The following RBFOX1 variants were observed in gnomAD, a reference collection of about 807,000 sequenced individuals.
RBFOX1 encodes the protein RNA binding protein fox-1 homolog 1.
A neutral mutation model predicts 57.7 loss-of-function variants in RBFOX1; 8 were observed. The observed-to-expected ratio is 0.14, with a 90% CI of 0.08 to 0.25. RBFOX1 has a LOEUF of 0.25. Ranked by LOEUF, RBFOX1 falls within the 10% of genes least tolerant of loss-of-function variation. The pLI is 1.00. For synonymous variants in RBFOX1, 326 were observed against 222.4 expected (o/e 1.47, Z -4.15); for missense variants, 611 against 548.5 (o/e 1.11, Z -1.14).
At chr16:7,620,583 G>A (rs1199078265) in intron 10 of RBFOX1, among the ~76,000 whole-genome samples, 1 of 152,184 alleles carries the variant, frequency 6.6e-6, no homozygotes, top group South Asian at 2.1e-4. Flanking sequence ...AACATGATCA[G>A]GAGGTTCTAG....
intron 4 of RBFOX1, among the ~76,000 whole-genome samples, chr16:5,889,788 A>C (rs1344621085): frequency 1.3e-5 from 2 of 152,202 alleles, no homozygotes; most frequent in Admixed American, 6.5e-5. Context: ...AAGGCCTGAG[A>C]GAGATGTAGG....
chr16:7,562,314 G>A (rs2152688247), intron 5 of RBFOX1, among the ~76,000 whole-genome samples: 1 of 152,262 alleles, frequency 6.6e-6, no homozygotes, highest in East Asian at 1.9e-4. Context: ...ATGCATTAGG[G>A]TACCTGCCGC....
At chr16:6,842,806 T>A (rs1164397324) in intron 3 of RBFOX1, among the ~76,000 whole-genome samples, 1 of 152,112 alleles carries the variant, frequency 6.6e-6, no homozygotes, top group East Asian at 1.9e-4. Context: ...TTTGTCCTAA[T>A]GCTCTCCCTC....
At position 6,416,310 on chromosome 16, in the gene RBFOX1, C is replaced by T. The variant is rs78402327; in HGVS notation, c.-64+99253C>T. Among the ~76,000 whole-genome samples the T allele has an allele frequency of 2.3e-3, 350 of 152,192 alleles. 1 individual carries two copies. In the East Asian group the frequency reaches 0.026, roughly 11 times the overall value. Reference sequence around the variant, plus strand: ...ATTTTATTAAGCCGGTAAAATCACCCGACAGTTTAGATAGCTCAAGCCTCT... The same window carrying T: ...ATTTTATTAAGCCGGTAAAATCACCTGACAGTTTAGATAGCTCAAGCCTCT... On this transcript the variant is annotated intron_variant, in intron 2 of 15. Coordinates refer to ENST00000550418, the MANE Select transcript of RBFOX1 (RefSeq NM_018723.4).
At chr16:7,307,410 C>G (rs142257375) in intron 4 of RBFOX1, among the ~76,000 whole-genome samples, 8 of 152,312 alleles carry the variant, frequency 5.3e-5, no homozygotes, top group Admixed American at 1.3e-4. Flanking sequence ...TCGGAGTCTA[C>G]TCTGAATGGC....
intron 3 of RBFOX1, among the ~76,000 whole-genome samples, chr16:5,758,133 T>C (rs1345388071): frequency 6.6e-6 from 1 of 152,196 alleles, no homozygotes; most frequent in Admixed American, 6.5e-5. Context: ...AAATGTTAAA[T>C]TGAGCCAGGA....
chr16:6,364,397 C>CATTT (rs1285506730), intron 2 of RBFOX1, among the ~76,000 whole-genome samples: 1 of 152,146 alleles, frequency 6.6e-6, no homozygotes, highest in Non-Finnish European at 1.5e-5. Flanking sequence ...ACATTAAAGA[C>CATTT]ATTTGGTGCA....
At chr16:6,888,541 GT>G (rs1478506784) in intron 3 of RBFOX1, among the ~76,000 whole-genome samples, 1 of 151,992 alleles carries the variant, frequency 6.6e-6, no homozygotes, top group Non-Finnish European at 1.5e-5. Context: ...TCTCCACATT[GT>G]TTTTACTTGC....
intron 4 of RBFOX1, among the ~76,000 whole-genome samples, chr16:7,056,721 T>G (rs1222690320): frequency 2.6e-5 from 4 of 152,104 alleles, no homozygotes; most frequent in South Asian, 2.1e-4. Context: ...TCTTTGTGCT[T>G]GAGTGGTAGA....
At chr16:6,025,751 G>T (rs1333366274) in intron 1 of RBFOX1, among the ~76,000 whole-genome samples, 1 of 152,198 alleles carries the variant, frequency 6.6e-6, no homozygotes, top group African/African-American at 2.4e-5. Context: ...TGCAGCCGAC[G>T]TTGTCCATCT....
Position 6,622,325 on chromosome 16 carries a change from TTA to T in RBFOX1, c.-63-32276_-63-32275del, listed in dbSNP as rs558705150. On this transcript the variant is annotated intron_variant, in intron 2 of 15. Coordinates refer to ENST00000550418, the MANE Select transcript of RBFOX1 (RefSeq NM_018723.4). ...TTGCCCTATACAGATGTATAATTTTTTATCTTTTATATTTTTATCGTACCTTT... is the reference window on the plus strand; with the variant it reads ...TTGCCCTATACAGATGTATAATTTTTTCTTTTATATTTTTATCGTACCTTT... 1.3e-3 allele frequency among the ~76,000 whole-genome samples: 196 copies of T among 152,322 alleles called. 1 individual carries two copies. Among genetic ancestry groups the T allele is most frequent in the African/African-American group, 4.4e-3 (184 of 41,576 alleles).
Position 7,109,415 on chromosome 16 carries a change from C to T in RBFOX1, c.27+57317C>T, listed in dbSNP as rs11866955. On this transcript the variant is annotated intron_variant, in intron 4 of 15. Coordinates refer to ENST00000550418, the MANE Select transcript of RBFOX1 (RefSeq NM_018723.4). ...TTGAGTTACCAACTGCCTCTCAGAA[C>T]CCTAAGGCAATTTGGAGCCCAGAAG... Among the ~76,000 whole-genome samples the T allele has an allele frequency of 7.5e-3, 1,134 of 152,184 alleles. 18 individuals are homozygous for T. Among genetic ancestry groups the T allele is most frequent in the African/African-American group, 0.025 (1,036 of 41,526 alleles).
chr16:6,375,288 GAA>G (rs144552765), intron 2 of RBFOX1, among the ~76,000 whole-genome samples: 1 of 148,728 alleles, frequency 6.7e-6, no homozygotes, highest in African/African-American at 2.6e-5. Flanking sequence ...CCAGAGTGGG[GAA>G]AAAAAACAAA....
rs115042479 is a variant in RBFOX1 at position 6,901,397 on chromosome 16, C to G, written c.-15-150660C>G. ...GCAAAATCAAAGTGAACAGGACGTT[C>G]CTACTACCTTTGGGGAAGACAATAA... is the stretch of plus-strand genomic sequence containing the variant. On this transcript the variant is annotated intron_variant, in intron 3 of 15. Transcript: ENST00000550418. Among the ~76,000 whole-genome samples the G allele has an allele frequency of 1.2e-4, 18 of 152,200 alleles. No homozygotes were observed. In the South Asian group the frequency reaches 3.5e-3, roughly 30 times the overall value.
At chr16:7,334,008 C>T (rs565104688) in intron 4 of RBFOX1, among the ~76,000 whole-genome samples, 2 of 152,246 alleles carry the variant, frequency 1.3e-5, no homozygotes, top group African/African-American at 4.8e-5. Context: ...TACGTCCTTT[C>T]ACCTTTACTC....
intron 5 of RBFOX1, among the ~76,000 whole-genome samples, chr16:7,537,126 T>C (rs2081657049): frequency 6.6e-6 from 1 of 152,172 alleles, no homozygotes; most frequent in African/African-American, 2.4e-5. Context: ...CTGACCACCA[T>C]GTGGACAGTG....
At chr16:7,334,357 A>G (rs1293434995) in intron 4 of RBFOX1, among the ~76,000 whole-genome samples, 1 of 152,126 alleles carries the variant, frequency 6.6e-6, no homozygotes, top group Admixed American at 6.6e-5. Flanking sequence ...ACAGGCCGGT[A>G]TGATAAGGTT....
intron 3 of RBFOX1, among the ~76,000 whole-genome samples, chr16:6,670,003 G>C (rs143801948): frequency 6.0e-5 from 9 of 149,662 alleles, no homozygotes; most frequent in African/African-American, 2.2e-4. Context: ...ATCTATCTCT[G>C]TCTGTCTATC....
At chr16:7,681,665 G>A (rs1359959797) in intron 14 of RBFOX1, among the ~76,000 whole-genome samples, 7 of 152,064 alleles carry the variant, frequency 4.6e-5, no homozygotes. Flanking sequence ...GCTTATTTTT[G>A]TAGGAAGGTT....
Sources: gnomAD v4.1 joint callset for allele counts (sites outside exome capture counted in the v4.1 genomes callset) on GRCh38, gnomAD v4.1.1 for gene constraint, MANE v1.5 for transcripts, NCBI Gene and HGNC (gene_info 2026-07-23, HGNC 2026-07-21) for gene names.